Variants in AUTS2 observed in about 807,000 individuals in gnomAD.
AUTS2 encodes autism susceptibility gene 2 protein.
A neutral mutation model predicts 112.4 loss-of-function variants in AUTS2; 17 were observed. The observed-to-expected ratio is 0.15, with a 90% CI of 0.10 to 0.23. The LOEUF is 0.23. Among genes scored for constraint, AUTS2 ranks in the 10% least tolerant of loss-of-function variants. AUTS2 has a pLI of 1.00. For missense variants in AUTS2, 1,510 were observed against 1,701.6 expected (o/e 0.89, Z 1.98); for synonymous variants, 751 against 702.7 (o/e 1.07, Z -1.09).
rs141021965 is a variant in AUTS2, at chr7:70,243,170, C to T, written c.660+108599C>T. 1.8e-3 allele frequency among the ~76,000 whole-genome samples: 265 copies of T among 150,774 alleles called. 1 individual carries two copies. The highest frequency in any genetic ancestry group is 5.9e-3 in the African/African-American group (243 of 41,038). ...GCTGGCATCTTTTACAAAATTACAGCCTCAAGCCAGGTTTCCATAATCAGT... is the reference window on the plus strand; with the variant it reads ...GCTGGCATCTTTTACAAAATTACAGTCTCAAGCCAGGTTTCCATAATCAGT... On this transcript the variant is annotated intron_variant, in intron 4 of 18. Coordinates refer to ENST00000342771, the MANE Select transcript of AUTS2 (RefSeq NM_015570.4).
chr7:69,667,004 A>T (rs1369514703), intron 1 of AUTS2, among the ~76,000 whole-genome samples: 2 of 152,112 alleles, frequency 1.3e-5, no homozygotes, highest in African/African-American at 4.8e-5. Flanking sequence ...AAAGAAAAGG[A>T]ATTTATTTCT....
chr7:69,831,540 C>T (rs1217311148), intron 1 of AUTS2, among the ~76,000 whole-genome samples: 1 of 151,952 alleles, frequency 6.6e-6, no homozygotes, highest in Non-Finnish European at 1.5e-5. Flanking sequence ...CTGGAAGGAC[C>T]CAGGTTGTCT....
chr7:70,590,543 AG>A (rs773483607), intron 5 of AUTS2, among the ~76,000 whole-genome samples: 6 of 152,202 alleles, frequency 3.9e-5, no homozygotes, highest in Non-Finnish European at 7.3e-5. Flanking sequence ...TTGTTAGACT[AG>A]TAGGGTAATT....
chr7:70,696,242 TCTGA>T (rs1018939801), intron 5 of AUTS2, among the ~76,000 whole-genome samples: 1 of 152,180 alleles, frequency 6.6e-6, no homozygotes, highest in African/African-American at 2.4e-5. Context: ...GAATCTCTCT[TCTGA>T]CTTGTTAGGA....
chr7:70,624,078 A>G (rs1804816912), intron 5 of AUTS2, among the ~76,000 whole-genome samples: 1 of 152,212 alleles, frequency 6.6e-6, no homozygotes, highest in Admixed American at 6.5e-5. Flanking sequence ...ATTATCTTTG[A>G]TAGATCATAC....
At chr7:69,922,337 G>A (rs1795848430) in intron 2 of AUTS2, among the ~76,000 whole-genome samples, 1 of 152,164 alleles carries the variant, frequency 6.6e-6, no homozygotes, top group South Asian at 2.1e-4. Context: ...CCTAGCATAA[G>A]CTGATCCTTT....
At chr7:70,602,491 G>A (rs956979850) in intron 5 of AUTS2, among the ~76,000 whole-genome samples, 7 of 152,166 alleles carry the variant, frequency 4.6e-5, no homozygotes, top group Non-Finnish European at 7.3e-5. Context: ...CCAGGTCTCC[G>A]GATGCCAGGC....
chr7:70,017,731 G>A (rs1332626450), intron 2 of AUTS2, among the ~76,000 whole-genome samples: 1 of 151,932 alleles, frequency 6.6e-6, no homozygotes, highest in Non-Finnish European at 1.5e-5. Flanking sequence ...AATGCTCACA[G>A]GAAAGTAGTT....
intron 5 of AUTS2, among the ~76,000 whole-genome samples, chr7:70,473,770 A>T (rs1797480499): frequency 6.7e-6 from 1 of 148,674 alleles, no homozygotes; most frequent in South Asian, 2.1e-4. Context: ...TTTTTAAGGT[A>T]GGATCTCCTC....
chr7:70,414,388 A>T (rs1421497432), intron 4 of AUTS2, among the ~76,000 whole-genome samples: 1 of 152,208 alleles, frequency 6.6e-6, no homozygotes, highest in Non-Finnish European at 1.5e-5. Flanking sequence ...CCTATCAGGG[A>T]TAATCAGCAG....
At position 70,389,669 on chromosome 7, in the gene AUTS2, G is replaced by A. The variant is rs922728489; in HGVS notation, c.661-46083G>A. On this transcript the variant is annotated intron_variant, in intron 4 of 18. Coordinates refer to ENST00000342771, the MANE Select transcript of AUTS2 (RefSeq NM_015570.4). ...AACATTTTATGTGCCATGTGCCTTG[G>A]GAGCCAAAAAGAAATCATACTTTGG... 1.3e-5 allele frequency among the ~76,000 whole-genome samples: 2 copies of A among 151,832 alleles called. 1 individual carries two copies. The highest frequency in any genetic ancestry group is 1.3e-4 in the Admixed American group (2 of 15,246).
rs1563078155 is a variant in AUTS2 at position 70,069,675 on chromosome 7, T to C, written c.523-48457T>C. Among the ~76,000 whole-genome samples, 4 of 151,292 alleles carry C rather than the reference T, an allele frequency of 2.6e-5. No homozygotes were observed. The South Asian group carries it at 6.3e-4, about 24-fold the overall frequency. ...CACATTTTTTTCTTAGAGAATTCTC[T>C]GTCAAATTCTATCAAAGGCCATGGT... On this transcript the variant is annotated intron_variant, in intron 2 of 18. Transcript: ENST00000342771.
chr7:70,568,106 T>A (rs1801780844), intron 5 of AUTS2, among the ~76,000 whole-genome samples: 1 of 152,242 alleles, frequency 6.6e-6, no homozygotes, highest in South Asian at 2.1e-4. Flanking sequence ...CTTTTTTGTT[T>A]TCTTCTTCAT....
chr7:70,368,884 C>G (rs988618999), intron 4 of AUTS2, among the ~76,000 whole-genome samples: 3 of 151,864 alleles, frequency 2.0e-5, no homozygotes, highest in Non-Finnish European at 4.4e-5. Flanking sequence ...AGGGGTCTTA[C>G]AAGAGTGGTA....
intron 1 of AUTS2, among the ~76,000 whole-genome samples, chr7:69,612,125 A>G (rs1793073199): frequency 6.6e-6 from 1 of 152,164 alleles, no homozygotes; most frequent in African/African-American, 2.4e-5. Context: ...ATGATAGTAC[A>G]TTATTGATAG....
intron 5 of AUTS2, among the ~76,000 whole-genome samples, chr7:70,543,611 G>C (rs1264944588): frequency 6.6e-6 from 1 of 151,864 alleles, no homozygotes; most frequent in East Asian, 1.9e-4. Flanking sequence ...TGTTGCTCCA[G>C]CCTAAGCTGG....
intron 4 of AUTS2, among the ~76,000 whole-genome samples, chr7:70,435,157 T>C (rs1156454673): frequency 6.6e-6 from 1 of 152,204 alleles, no homozygotes; most frequent in Admixed American, 6.5e-5. Flanking sequence ...TTATAGGGAA[T>C]GTTCCTTCTA....
chr7:70,409,740 T>G (rs962168023), intron 4 of AUTS2, among the ~76,000 whole-genome samples: 1 of 152,238 alleles, frequency 6.6e-6, no homozygotes, highest in Admixed American at 6.5e-5. Flanking sequence ...ATTGTTATTT[T>G]TCACGTATTA....
intron 1 of AUTS2, among the ~76,000 whole-genome samples, chr7:69,639,572 C>G (rs1794708777): frequency 6.6e-6 from 1 of 152,198 alleles, no homozygotes; most frequent in African/African-American, 2.4e-5. Context: ...ATTTTCTGAT[C>G]ACAATTGAAG....
Sources: gnomAD v4.1 joint callset for allele counts (sites outside exome capture counted in the v4.1 genomes callset) on GRCh38, gnomAD v4.1.1 for gene constraint, MANE v1.5 for transcripts, NCBI Gene and HGNC (gene_info 2026-07-23, HGNC 2026-07-21) for gene names.